NOVA2: variants seen among roughly 807,000 people sequenced by gnomAD.
NOVA2 encodes the protein NOVA alternative splicing regulator 2.
Under a neutral mutation model 22.5 loss-of-function variants are expected in NOVA2, and 9 were observed. The ratio of observed to expected loss-of-function variants is 0.40; its 90% CI spans 0.24 to 0.70. NOVA2 has a LOEUF of 0.70. Among genes scored for constraint, NOVA2 ranks in the 30% least tolerant of loss-of-function variants. NOVA2 has a pLI of 0.38. For missense variants in NOVA2, 383 were observed against 682.8 expected (o/e 0.56, Z 4.89); for synonymous variants, 318 against 335.2 (o/e 0.95, Z 0.56).
At chr19:45,973,223 G>C (rs1046612708) in intron 1 of NOVA2, 44 bp downstream of exon 1, 1 of 1,188,564 alleles carries the variant, frequency 8.4e-7, no homozygotes, top group East Asian at 3.2e-5. Context: ...GAAAGGCGAG[G>C]CCCCCTGCCC....
intron 3 of NOVA2, among the ~76,000 whole-genome samples, chr19:45,947,559 C>T (rs994625255): frequency 3.3e-5 from 5 of 151,906 alleles, no homozygotes; most frequent in African/African-American, 4.8e-5. Flanking sequence ...CTGCAACCTC[C>T]GTCTTCCAGT....
intron 2 of NOVA2, among the ~76,000 whole-genome samples, chr19:45,958,408 G>A (rs538207445): frequency 6.6e-6 from 1 of 151,192 alleles, no homozygotes; most frequent in Admixed American, 6.6e-5. Context: ...TGTGTGAGTG[G>A]GGTGTGTGTG....
At position 45,939,794 on chromosome 19, in the gene NOVA2, G is replaced by C. The variant is rs573915980; in HGVS notation, c.*69C>G. ...TACACCAAGCTGAGGTCAGGAGTTG[G>C]GGGGGAGGAGGAGAGGGAAGAGGAG... On this transcript the variant is annotated 3_prime_UTR_variant, in exon 4 of 4. Transcript: ENST00000263257. The C allele has an allele frequency of 4.3e-5, 68 of 1,582,618 alleles. No homozygotes were observed. The East Asian group carries it at 5.5e-4, about 13-fold the overall frequency.
chr19:45,953,738 T>C (rs1967961470), intron 3 of NOVA2, 42 bp downstream of exon 3: 1 of 1,610,934 alleles, frequency 6.2e-7, no homozygotes, highest in African/African-American at 1.3e-5. Flanking sequence ...TCTTTGTGAA[T>C]GTCAACAGCT....
intron 3 of NOVA2, among the ~76,000 whole-genome samples, chr19:45,945,178 G>A (rs1364105417): frequency 6.6e-6 from 1 of 151,934 alleles, no homozygotes; most frequent in Admixed American, 6.6e-5. Flanking sequence ...GCAGTGGTGT[G>A]CACCTGTCGT....
At chr19:45,963,876 T>C (rs933939888) in intron 1 of NOVA2, among the ~76,000 whole-genome samples, 14 of 152,132 alleles carry the variant, frequency 9.2e-5, no homozygotes, top group Admixed American at 2.0e-4. Flanking sequence ...CTCAAATGTT[T>C]CTTCTTCTTG....
intron 2 of NOVA2, among the ~76,000 whole-genome samples, chr19:45,959,983 C>A (rs953245897): frequency 4.6e-5 from 7 of 151,806 alleles, no homozygotes; most frequent in African/African-American, 1.7e-4. Context: ...CCCTGGAGTC[C>A]TAGATGTCGA....
intron 1 of NOVA2, among the ~76,000 whole-genome samples, chr19:45,971,995 A>G (rs915140643): frequency 6.6e-6 from 1 of 151,746 alleles, no homozygotes; most frequent in African/African-American, 2.4e-5. Context: ...ACATTCGGCA[A>G]TCTCCAATAC....
chr19:45,972,129 G>A (rs1373681660), intron 1 of NOVA2, among the ~76,000 whole-genome samples: 1 of 151,728 alleles, frequency 6.6e-6, no homozygotes, highest in African/African-American at 2.4e-5. Context: ...ACACAGCTGG[G>A]TGTCATATGC....
chr19:45,971,211 A>C (rs1332852203), intron 1 of NOVA2, among the ~76,000 whole-genome samples: 2 of 152,212 alleles, frequency 1.3e-5, no homozygotes, highest in African/African-American at 4.8e-5. Flanking sequence ...TGTGACTGTT[A>C]TTAGCAGCAG....
At chr19:45,949,592 T>A (rs1967892833) in intron 3 of NOVA2, among the ~76,000 whole-genome samples, 1 of 152,188 alleles carries the variant, frequency 6.6e-6, no homozygotes, top group Non-Finnish European at 1.5e-5. Flanking sequence ...CAGAGCCTCT[T>A]TTTCCACATC....
chr19:45,944,886 T>C (rs1004925036), intron 3 of NOVA2, among the ~76,000 whole-genome samples: 26 of 152,232 alleles, frequency 1.7e-4, no homozygotes, highest in Non-Finnish European at 3.8e-4. Context: ...TACTGTGTGA[T>C]TCCTTTTACA....
At chr19:45,954,855 G>GGT (rs10598680) in intron 2 of NOVA2, among the ~76,000 whole-genome samples, 4,640 of 144,724 alleles carry the variant, frequency 0.032, 69 homozygotes, top group South Asian at 0.056. Flanking sequence ...GCTGGTGAGT[G>GGT]GTGTGTGTGT....
chr19:45,939,591 T>C lies in NOVA2; in HGVS notation c.*272A>G. The stretch of plus-strand genomic sequence containing the variant: ...ACAGATATCACACAGACCTGGGCCC[T>C]GGGACAGGAAGGGTCAGGCCCAGCC... On this transcript the variant is annotated 3_prime_UTR_variant, in exon 4 of 4. Coordinates refer to ENST00000263257, the MANE Select transcript of NOVA2 (RefSeq NM_002516.4). 2 of 487,718 alleles carry C rather than the reference T, an allele frequency of 4.1e-6. No homozygotes were observed. Among genetic ancestry groups the C allele is most frequent in the Non-Finnish European group, 7.3e-6 (2 of 272,666 alleles). The allele number at this position is 487,718 out of a possible 1,614,324, so 30.2% of individuals were successfully genotyped here.
intron 3 of NOVA2, among the ~76,000 whole-genome samples, chr19:45,945,766 G>A (rs1026459296): frequency 3.3e-5 from 5 of 152,024 alleles, no homozygotes; most frequent in Non-Finnish European, 5.9e-5. Context: ...AGGAGAAAGG[G>A]GGTGTTGCTG....
chr19:45,966,531 G>A (rs1248776767), intron 1 of NOVA2, among the ~76,000 whole-genome samples: 1 of 151,142 alleles, frequency 6.6e-6, no homozygotes, highest in Non-Finnish European at 1.5e-5. Context: ...GCCTTCCAAA[G>A]TTCTGGGATT....
chr19:45,944,734 C>G (rs1306383619), intron 3 of NOVA2, among the ~76,000 whole-genome samples: 3 of 152,128 alleles, frequency 2.0e-5, no homozygotes, highest in Admixed American at 6.5e-5. Flanking sequence ...CCAGAATATG[C>G]AGATCCACAG....
At position 45,939,677 on chromosome 19, in the gene NOVA2, C is replaced by T. The variant is rs539040461; in HGVS notation, c.*186G>A. On this transcript the variant is annotated 3_prime_UTR_variant, in exon 4 of 4. Transcript: ENST00000263257. ...GGCTGGGGAGGGGGCTTCTGAGCCC[C>T]CTTCCCAACCGTCACTCAATCCTGC... 49 of 724,176 alleles carry T rather than the reference C, an allele frequency of 6.8e-5. No homozygotes were observed. The African/African-American group carries it at 7.1e-4, about 11-fold the overall frequency. The allele number at this position is 724,176 out of a possible 1,614,324, so 44.9% of individuals were successfully genotyped here. A position where few individuals can be genotyped will look rare whatever the true frequency, so the allele number is the denominator to read the frequency against.
intron 3 of NOVA2, among the ~76,000 whole-genome samples, chr19:45,952,787 GGAGC>G (rs1193621553): frequency 6.6e-6 from 1 of 152,124 alleles, no homozygotes; most frequent in East Asian, 1.9e-4. Context: ...GTCTTTTTTG[GGAGC>G]GCTCCACCCT....
Sources: allele counts gnomAD v4.1 joint callset (sites outside exome capture counted in the v4.1 genomes callset), GRCh38; gene constraint gnomAD v4.1.1; transcripts MANE v1.5; gene names NCBI Gene and HGNC (gene_info 2026-07-23, HGNC 2026-07-21).